The following TRPM3 variants were observed in gnomAD, a reference collection of about 807,000 sequenced individuals.
The protein encoded by TRPM3 is long transient receptor potential channel 3.
A neutral mutation model predicts 181.2 loss-of-function variants in TRPM3; 77 were observed. The ratio of observed to expected loss-of-function variants is 0.42; its 90% CI spans 0.35 to 0.51. The LOEUF (loss-of-function observed/expected upper bound fraction) is 0.51, where lower values mean the gene tolerates loss of function less well. Among genes scored for constraint, TRPM3 ranks in the 20% least tolerant of loss-of-function variants. The probability of loss-of-function intolerance (pLI) is 0.01; values close to 1 mark genes in which losing one functional copy is unlikely to be tolerated. For missense variants in TRPM3, 1,759 were observed against 2,196.7 expected (o/e 0.80, Z 3.98); for synonymous variants, 745 against 796.4 (o/e 0.94, Z 1.09).
intron 1 of TRPM3, among the ~76,000 whole-genome samples, chr9:71,196,866 T>TA (rs148434637): frequency 6.6e-6 from 1 of 151,074 alleles, no homozygotes; most frequent in Non-Finnish European, 1.5e-5. Context: ...TGGGCCTTTC[T>TA]TTTTATTTTA....
At chr9:70,940,250 T>A (rs186020669) in intron 1 of TRPM3, among the ~76,000 whole-genome samples, 67 of 152,268 alleles carry the variant, frequency 4.4e-4, no homozygotes, top group African/African-American at 1.5e-3. Flanking sequence ...GAAGGAAACT[T>A]AACACAAAAA....
At chr9:71,363,968 G>C (rs17056741) in intron 1 of TRPM3, among the ~76,000 whole-genome samples, 2,036 of 152,232 alleles carry the variant, frequency 0.013, 44 homozygotes, top group African/African-American at 0.045. Flanking sequence ...AAAATACATG[G>C]ATTAAATGAT....
rs942043607 is a variant in TRPM3 at position 70,992,757 on chromosome 9, G to C, written c.178-128246C>G. 3.5e-4 allele frequency among the ~76,000 whole-genome samples: 53 copies of C among 152,168 alleles called. 1 individual carries two copies. The highest frequency in any genetic ancestry group is 1.5e-3 in the Admixed American group (23 of 15,274). Reference sequence around the variant, plus strand: ...AAGCTATTCTAGAGGGTGTGTGGTAGAAATGAGTAAGTGAATAGGAGTGTG... The same window carrying C: ...AAGCTATTCTAGAGGGTGTGTGGTACAAATGAGTAAGTGAATAGGAGTGTG... On this transcript the variant is annotated intron_variant, in intron 1 of 25. Transcript: ENST00000677713.
At chr9:71,022,312 GA>G (rs1216100338) in intron 1 of TRPM3, among the ~76,000 whole-genome samples, 1 of 152,138 alleles carries the variant, frequency 6.6e-6, no homozygotes, top group Non-Finnish European at 1.5e-5. Flanking sequence ...GCTTTTTCAT[GA>G]AATGATGCTA....
intron 12 of TRPM3, among the ~76,000 whole-genome samples, chr9:70,631,476 C>T (rs1173082460): frequency 6.6e-6 from 1 of 151,030 alleles, no homozygotes; most frequent in Admixed American, 6.6e-5. Context: ...ATAGCATCCT[C>T]TTTTGGTGGG....
chr9:70,828,580 T>C (rs1035125595), intron 5 of TRPM3, among the ~76,000 whole-genome samples: 3 of 152,118 alleles, frequency 2.0e-5, no homozygotes, highest in Admixed American at 2.0e-4. Context: ...AATTGTCTCA[T>C]GAGATAGATA....
At chr9:70,681,690 T>A in intron 8 of TRPM3, 112 bp from the exon 9 acceptor site, 2 of 904,552 alleles carry the variant, frequency 2.2e-6, no homozygotes, top group Non-Finnish European at 3.6e-6. Context: ...AAGTAGATTC[T>A]TAACCACAGG....
In TRPM3 at chr9:70,536,415, C is replaced by A. The variant is rs371292628; in HGVS notation, c.4698G>T (p.Arg1566Ser). 6.2e-7 allele frequency: 1 copy of A among 1,614,142 alleles called. No individual in the cohort carries two copies. Among genetic ancestry groups the A allele is most frequent in the South Asian group, 1.1e-5 (1 of 91,086 alleles). ...CAATTGCTTGAGGGGCATTGACACA[C>A]CTTGTGTCAATACAGTCTGTAATAC... ...YTSITDCIDT[R>S]CVNAPQAIAD... The change falls in exon 26 of 26, where the codon AGG (arginine) becomes AGT (serine). Residue 1566 changes from arginine (R) to serine (S), a missense_variant. Physicochemically the swap from Arg to Ser is moderately radical, Grantham distance 110. Transcript: ENST00000677713.
At chr9:71,355,145 A>G (rs999565587) in intron 1 of TRPM3, among the ~76,000 whole-genome samples, 4 of 152,170 alleles carry the variant, frequency 2.6e-5, no homozygotes, top group Non-Finnish European at 5.9e-5. Flanking sequence ...TCATGGTTCA[A>G]TTGCAATTAA....
intron 3 of TRPM3, among the ~76,000 whole-genome samples, chr9:70,855,249 C>A (rs144126760): frequency 6.6e-6 from 1 of 152,168 alleles, no homozygotes; most frequent in Non-Finnish European, 1.5e-5. Context: ...TAGGCAAAGG[C>A]TGATTGGTGG....
intron 1 of TRPM3, among the ~76,000 whole-genome samples, chr9:70,969,127 A>G (rs753267339): frequency 2.6e-5 from 4 of 152,294 alleles, no homozygotes; most frequent in Middle Eastern, 3.4e-3. Context: ...ACAAAGGACT[A>G]ATATCCAGAA....
At chr9:70,581,975 T>C (rs1232249409) in intron 22 of TRPM3, among the ~76,000 whole-genome samples, 1 of 150,278 alleles carries the variant, frequency 6.7e-6, no homozygotes, top group Non-Finnish European at 1.5e-5. Context: ...TCCTTCCTTC[T>C]CTCCCTCTTT....
At chr9:70,740,607 G>T (rs888018286) in intron 8 of TRPM3, among the ~76,000 whole-genome samples, 2 of 152,262 alleles carry the variant, frequency 1.3e-5, no homozygotes, top group African/African-American at 2.4e-5. Context: ...CACCAAAACA[G>T]CATGGTACTG....
intron 1 of TRPM3, among the ~76,000 whole-genome samples, chr9:70,940,884 C>A (rs1207602487): frequency 6.6e-6 from 1 of 152,132 alleles, no homozygotes; most frequent in African/African-American, 2.4e-5. Context: ...GTTGTGTCTT[C>A]ATGAGGAAAA....
chr9:70,894,028 G>C (rs998207332), intron 1 of TRPM3, among the ~76,000 whole-genome samples: 3 of 152,172 alleles, frequency 2.0e-5, no homozygotes, highest in Non-Finnish European at 1.5e-5. Context: ...AATGGGTCAC[G>C]GATGTCCAGG....
chr9:70,644,694 G>A (rs1344607920), intron 9 of TRPM3, among the ~76,000 whole-genome samples: 1 of 152,142 alleles, frequency 6.6e-6, no homozygotes, highest in Non-Finnish European at 1.5e-5. Context: ...CATAGTACTG[G>A]AAGTTCTGGC....
intron 22 of TRPM3, among the ~76,000 whole-genome samples, chr9:70,559,877 C>T (rs1481282887): frequency 2.6e-5 from 4 of 152,106 alleles, no homozygotes; most frequent in Admixed American, 6.5e-5. Flanking sequence ...ATACTTGTGA[C>T]GAGGGACCAT....
At chr9:70,580,539 C>A (rs1414457460) in intron 22 of TRPM3, among the ~76,000 whole-genome samples, 1 of 151,400 alleles carries the variant, frequency 6.6e-6, no homozygotes, top group Non-Finnish European at 1.5e-5. Context: ...TTGGGAGTAC[C>A]TCGGACACAG....
chr9:71,420,669 AAG>A (rs1327959485), intron 1 of TRPM3, among the ~76,000 whole-genome samples: 41 of 126,238 alleles, frequency 3.2e-4, no homozygotes, highest in African/African-American at 6.4e-4. Context: ...AAGAGAAAGA[AAG>A]AGAGAAAGAA....
Sources: allele counts gnomAD v4.1 joint callset (sites outside exome capture counted in the v4.1 genomes callset), GRCh38; gene constraint gnomAD v4.1.1; transcripts MANE v1.5; gene names NCBI Gene and HGNC (gene_info 2026-07-23, HGNC 2026-07-21).